The following SCOC variants were observed in gnomAD, a reference collection of about 807,000 sequenced individuals.
SCOC encodes the protein short coiled coil protein.
In SCOC, 7 loss-of-function variants were observed where a neutral mutation model predicts 9.9. The ratio of observed to expected loss-of-function variants is 0.71; its 90% CI spans 0.40 to 1.33. The LOEUF (loss-of-function observed/expected upper bound fraction) is 1.33. Among genes scored for constraint, SCOC ranks in the 40% most tolerant of loss-of-function variants. The pLI is 0.01. For missense variants in SCOC, 66 were observed against 89.7 expected (o/e 0.74, Z 1.07); for synonymous variants, 19 against 28.2 (o/e 0.67, Z 1.03).
chr4:140,381,064 G>A lies in SCOC; in HGVS notation c.209G>A (p.Ser70Asn). 1 of 1,601,360 alleles carries A rather than the reference G, an allele frequency of 6.2e-7. No homozygotes were observed. The highest frequency in any genetic ancestry group is 8.5e-7 in the Non-Finnish European group (1 of 1,176,936). ...ATAGAAAATCTCATGTCAGCTTCTA[G>A]TGTTTTTCAAACAACTGACACAAAA... ...QYIENLMSAS[S>N]VFQTTDTKSK... is the part of the protein sequence containing the mutation. Residue 70 changes from serine to asparagine, a missense_variant, in exon 4 of 4, where the codon AGT becomes AAT. Transcript: ENST00000608372.
chr4:140,299,192 G>C (rs770597084), intron 1 of SCOC, among the ~76,000 whole-genome samples: 1 of 152,174 alleles, frequency 6.6e-6, no homozygotes, highest in Non-Finnish European at 1.5e-5. Flanking sequence ...AAATTTTAAT[G>C]TAGGCATGCA....
At chr4:140,259,170 A>G (rs1730575195) in intron 1 of SCOC, among the ~76,000 whole-genome samples, 1 of 152,258 alleles carries the variant, frequency 6.6e-6, no homozygotes, top group Non-Finnish European at 1.5e-5. Context: ...AAAAGGTTGG[A>G]TATGGCTAAG....
chr4:140,366,841 A>C, intron 2 of SCOC: 1 of 830,684 alleles, frequency 1.2e-6, no homozygotes, highest in East Asian at 2.4e-5. Flanking sequence ...GCCAACCTCC[A>C]CGAAGCGCCT....
chr4:140,376,508 T>G (rs1392826048), intron 1 of SCOC: 1 of 152,204 alleles, frequency 6.6e-6, no homozygotes, highest in Non-Finnish European at 1.5e-5. Flanking sequence ...ACGTAGACTG[T>G]GGTGTGAATT....
intron 1 of SCOC, chr4:140,293,397 G>C: frequency 2.2e-6 from 1 of 457,004 alleles, no homozygotes; most frequent in Non-Finnish European, 4.4e-6. Flanking sequence ...GACAGGATTG[G>C]AGGTGTAAGC....
At chr4:140,295,056 A>G (rs1310665304) in intron 1 of SCOC, among the ~76,000 whole-genome samples, 1 of 152,246 alleles carries the variant, frequency 6.6e-6, no homozygotes, top group Non-Finnish European at 1.5e-5. Context: ...GTTAGGAAGC[A>G]TATCTTCTGT....
intron 1 of SCOC, among the ~76,000 whole-genome samples, chr4:140,329,188 A>G (rs1265392897): frequency 6.6e-6 from 1 of 152,208 alleles, no homozygotes; most frequent in African/African-American, 2.4e-5. Context: ...AAGCAAAAAC[A>G]TAAATTGGGA....
intron 1 of SCOC, among the ~76,000 whole-genome samples, chr4:140,305,536 A>G (rs1191025074): frequency 6.6e-6 from 1 of 152,230 alleles, no homozygotes; most frequent in Non-Finnish European, 1.5e-5. Context: ...CAACAAACAA[A>G]TGAACAAAAT....
chr4:140,293,518 G>A (rs1560687121), intron 1 of SCOC: 2 of 395,100 alleles, frequency 5.1e-6, no homozygotes, highest in East Asian at 1.4e-4. Context: ...AGAAGGATTG[G>A]ATAGGAAGAA....
chr4:140,317,137 A>T (rs1435986195), intron 1 of SCOC, among the ~76,000 whole-genome samples: 1 of 152,170 alleles, frequency 6.6e-6, no homozygotes, highest in Non-Finnish European at 1.5e-5. Flanking sequence ...CACCTAAGAC[A>T]GGGGACTCTC....
At chr4:140,380,194 C>CTTTTTTT (rs993271002) in intron 3 of SCOC, among the ~76,000 whole-genome samples, 496 of 108,350 alleles carry the variant, frequency 4.6e-3, no homozygotes, top group East Asian at 5.5e-3. Context: ...TTTTCTTTTT[C>CTTTTTTT]TTTTTTTTTT....
chr4:140,270,521 A>G (rs1049655086), intron 1 of SCOC, among the ~76,000 whole-genome samples: 5 of 151,978 alleles, frequency 3.3e-5, no homozygotes, highest in African/African-American at 1.2e-4. Flanking sequence ...TTTGTTTTCT[A>G]GAGATGGTCT....
intron 1 of SCOC, chr4:140,291,444 A>C (rs1731468946): frequency 2.2e-6 from 1 of 457,114 alleles, no homozygotes; most frequent in African/African-American, 2.0e-5. Flanking sequence ...ACCTCTTGTC[A>C]TCTTGCCCAG....
At chr4:140,343,883 A>G (rs1726602225) in intron 2 of SCOC, among the ~76,000 whole-genome samples, 1 of 152,216 alleles carries the variant, frequency 6.6e-6, no homozygotes, top group Non-Finnish European at 1.5e-5. Context: ...TTTTCCTTTT[A>G]AATTAAGTGA....
At chr4:140,292,555 C>T (rs1731506424) in intron 1 of SCOC, among the ~76,000 whole-genome samples, 2 of 152,120 alleles carry the variant, frequency 1.3e-5, no homozygotes, top group African/African-American at 4.8e-5. Context: ...ATATAATCTC[C>T]TTTTTCCTTA....
chr4:140,291,253 G>A lies in SCOC; in HGVS notation c.-19+33843G>A, dbSNP rs146948096. ...AAACGTGCTATCTCCAAAAGAAGCC[G>A]GGAGGCCTGTCAGGTGCTATGCTTC... On this transcript the variant is annotated intron_variant, in intron 1 of 4. Coordinates refer to the SCOC transcript ENST00000394205. 1,573 of 343,446 alleles carry A rather than the reference G, an allele frequency of 4.6e-3. 8 individuals carry two copies. Among genetic ancestry groups the A allele is most frequent in the East Asian group, 7.0e-3 (95 of 13,536 alleles). The allele number at this position is 343,446 out of a possible 1,614,324, so 21.3% of individuals were successfully genotyped here. A position where few individuals can be genotyped will look rare whatever the true frequency, so the allele number is the denominator to read the frequency against.
chr4:140,332,057 T>A (rs530851672), intron 1 of SCOC, among the ~76,000 whole-genome samples: 19 of 151,894 alleles, frequency 1.3e-4, no homozygotes, highest in Non-Finnish European at 1.3e-4. Context: ...AATGCCTAGA[T>A]CTCTTGAAAA....
At chr4:140,276,924 A>G (rs1730997479) in intron 1 of SCOC, among the ~76,000 whole-genome samples, 1 of 152,176 alleles carries the variant, frequency 6.6e-6, no homozygotes, top group Non-Finnish European at 1.5e-5. Flanking sequence ...TCATGCACAT[A>G]CCAACAATGT....
rs1728563147 is a variant in SCOC, at chr4:140,381,236, A to C, written c.*132A>C. ...ATGAAGATAATGTCAGATGTAGACA[A>C]AAATAACACAATAACAGGAGACTTC... On this transcript the variant is annotated 3_prime_UTR_variant, in exon 4 of 4. Transcript: ENST00000608372. 5.0e-6 allele frequency: 4 copies of C among 806,626 alleles called. No homozygotes were observed. Among genetic ancestry groups the C allele is most frequent in the Non-Finnish European group, 7.5e-6 (4 of 534,010 alleles). 50.0% of individuals were successfully genotyped at this position (806,626 alleles called of 1,614,324 possible).
Sources: allele counts gnomAD v4.1 joint callset (sites outside exome capture counted in the v4.1 genomes callset), GRCh38; gene constraint gnomAD v4.1.1; transcripts MANE v1.5; gene names NCBI Gene and HGNC (gene_info 2026-07-23, HGNC 2026-07-21).